DPCD: variants seen among roughly 807,000 people sequenced by gnomAD.
The protein encoded by DPCD is protein DPCD.
In DPCD, 20 loss-of-function variants were observed where a neutral mutation model predicts 26.4. That is an observed-to-expected ratio of 0.76 (90% confidence interval 0.53 to 1.10). DPCD has a LOEUF of 1.10. DPCD is among the 50% of genes least tolerant of loss of function. The pLI, the probability that DPCD is intolerant of heterozygous loss-of-function variation, is 0.00. For missense variants in DPCD, 202 were observed against 253.9 expected (o/e 0.80, Z 1.39); for synonymous variants, 97 against 94.2 (o/e 1.03, Z -0.17).
intron 4 of DPCD, among the ~76,000 whole-genome samples, chr10:101,607,093 C>T (rs1026109853): frequency 9.2e-5 from 14 of 152,128 alleles, no homozygotes; most frequent in African/African-American, 3.4e-4. Context: ...CCCTGGGATT[C>T]ATTTTCCGGT....
intron 1 of DPCD, among the ~76,000 whole-genome samples, chr10:101,590,294 A>T (rs574424562): frequency 6.6e-6 from 1 of 152,154 alleles, no homozygotes; most frequent in Non-Finnish European, 1.5e-5. Flanking sequence ...AAGCGAGAAT[A>T]AAAAGGTCCC....
chr10:101,596,466 A>C (rs1342611900), intron 2 of DPCD: 2 of 152,226 alleles, frequency 1.3e-5, no homozygotes, highest in East Asian at 3.8e-4. Context: ...GCTAGTTTCT[A>C]AGCCAGGATT....
rs916017090 is a variant in DPCD, at chr10:101,607,433, C to T, written c.405-1402C>T. Among the ~76,000 whole-genome samples the T allele has an allele frequency of 2.0e-5, 3 of 152,170 alleles. No individual in the cohort carries two copies. In the East Asian group the frequency reaches 5.8e-4, roughly 29 times the overall value. ...CAACTTGCAATGCCATTAGGATCCCCCAGCCCCCACTCCTTTTGAACTGTC... is the reference window on the plus strand; with the variant it reads ...CAACTTGCAATGCCATTAGGATCCCTCAGCCCCCACTCCTTTTGAACTGTC... On this transcript the variant is annotated intron_variant, in intron 4 of 5. Coordinates refer to ENST00000370151, the MANE Select transcript of DPCD (RefSeq NM_015448.3).
chr10:101,593,941 C>T (rs995958673), intron 1 of DPCD, among the ~76,000 whole-genome samples: 1 of 152,046 alleles, frequency 6.6e-6, no homozygotes, highest in Non-Finnish European at 1.5e-5. Flanking sequence ...TTTAGGAAAC[C>T]ATAGCATGGG....
chr10:101,609,045 G>A (rs2063754079), intron 5 of DPCD, 108 bp downstream of exon 5: 1 of 965,374 alleles, frequency 1.0e-6, no homozygotes, highest in Non-Finnish European at 1.6e-6. Flanking sequence ...AAGCCCTAGG[G>A]TATGCTTGTG....
intron 1 of DPCD, chr10:101,588,663 A>G: frequency 7.8e-7 from 1 of 1,284,382 alleles, no homozygotes; most frequent in South Asian, 2.0e-5. Context: ...TTTTACATTC[A>G]TTATCTCATT....
chr10:101,607,756 T>C (rs2063743152), intron 4 of DPCD, among the ~76,000 whole-genome samples: 1 of 152,188 alleles, frequency 6.6e-6, no homozygotes, highest in Admixed American at 6.5e-5. Context: ...GGTGTTTCCC[T>C]TCACAGCCCA....
intron 2 of DPCD, among the ~76,000 whole-genome samples, chr10:101,599,206 T>C (rs2134767238): frequency 6.6e-6 from 1 of 152,246 alleles, no homozygotes; most frequent in South Asian, 2.1e-4. Context: ...TAGAGTAGGG[T>C]ACATGGATCT....
Position 101,599,608 on chromosome 10 carries a change from G to A in DPCD, c.146-1130G>A, listed in dbSNP as rs138447341. Reference sequence around the variant, plus strand: ...GTGCCTTACTTATACCGGTGAGGGCGTTTGGATTTGACACAGCTGCTCAAA... The same window carrying A: ...GTGCCTTACTTATACCGGTGAGGGCATTTGGATTTGACACAGCTGCTCAAA... On this transcript the variant is annotated intron_variant, in intron 2 of 5. Coordinates refer to ENST00000370151, the MANE Select transcript of DPCD (RefSeq NM_015448.3). 1.3e-4 allele frequency among the ~76,000 whole-genome samples: 20 copies of A among 152,300 alleles called. No homozygotes were observed. The East Asian group carries it at 3.5e-3, about 26-fold the overall frequency.
At chr10:101,604,956 A>G (rs887751384) in intron 4 of DPCD, among the ~76,000 whole-genome samples, 3 of 152,204 alleles carry the variant, frequency 2.0e-5, no homozygotes, top group African/African-American at 7.2e-5. Flanking sequence ...ACTAGAAAAA[A>G]GGATTCTGTG....
At chr10:101,601,711 A>G (rs1380164348) in intron 4 of DPCD, among the ~76,000 whole-genome samples, 1 of 151,770 alleles carries the variant, frequency 6.6e-6, no homozygotes, top group Non-Finnish European at 1.5e-5. Context: ...TGGCCTGGTG[A>G]CATCACTGTC....
At chr10:101,597,632 T>G (rs2063663666) in intron 2 of DPCD, among the ~76,000 whole-genome samples, 1 of 152,122 alleles carries the variant, frequency 6.6e-6, no homozygotes, top group Non-Finnish European at 1.5e-5. Flanking sequence ...TTCACCGGGG[T>G]GGAAAGTCTC....
At chr10:101,589,278 A>G (rs1477737958) in intron 1 of DPCD, among the ~76,000 whole-genome samples, 1 of 152,276 alleles carries the variant, frequency 6.6e-6, no homozygotes, top group African/African-American at 2.4e-5. Flanking sequence ...ACAGAAAGAA[A>G]AAGATATGTT....
intron 4 of DPCD, among the ~76,000 whole-genome samples, chr10:101,602,493 A>C (rs1589727411): frequency 6.6e-6 from 1 of 152,266 alleles, no homozygotes; most frequent in Admixed American, 6.5e-5. Context: ...ATTGCTGTAC[A>C]TGCAGCCAGC....
At chr10:101,594,816 G>A in intron 2 of DPCD, 78 bp downstream of exon 2, 2 of 1,383,748 alleles carry the variant, frequency 1.4e-6, no homozygotes, top group African/African-American at 1.4e-5. Flanking sequence ...CCTAGCCTTA[G>A]GCTTGAGGTA....
chr10:101,591,554 G>A (rs1237896518), intron 1 of DPCD, among the ~76,000 whole-genome samples: 1 of 152,012 alleles, frequency 6.6e-6, no homozygotes, highest in Non-Finnish European at 1.5e-5. Flanking sequence ...CAAGAATCAT[G>A]GCTATTGATA....
rs151023224 is a variant in DPCD, at chr10:101,609,267, G to A, written c.508-100G>A. 9.0e-3 allele frequency: 9,990 copies of A among 1,109,104 alleles called. 59 individuals carry two copies. Among genetic ancestry groups the A allele is most frequent in the Non-Finnish European group, 0.011 (8,632 of 756,748 alleles). 68.7% of individuals were successfully genotyped at this position (1,109,104 alleles called of 1,614,324 possible). ...CAATCCTACAGGCCTCAATTTTCTC[G>A]TGCAAATAAGGGGATCAGAAGGAGA... On this transcript the variant is annotated intron_variant, in intron 5 of 5. Coordinates refer to ENST00000370151, the MANE Select transcript of DPCD (RefSeq NM_015448.3).
At chr10:101,595,069 G>A (rs539432626) in intron 2 of DPCD, among the ~76,000 whole-genome samples, 3 of 152,232 alleles carry the variant, frequency 2.0e-5, no homozygotes, top group Admixed American at 2.0e-4. Context: ...GAGGGATAAG[G>A]GCAGACTTTC....
chr10:101,594,511 T>G (rs1589722118), intron 1 of DPCD, 147 bp from the exon 2 acceptor site: 1 of 681,966 alleles, frequency 1.5e-6, no homozygotes, highest in South Asian at 1.8e-5. Flanking sequence ...TAATGGTGGG[T>G]GGTGGTTGGC....
Sources: allele counts gnomAD v4.1 joint callset (sites outside exome capture counted in the v4.1 genomes callset), GRCh38; gene constraint gnomAD v4.1.1; transcripts MANE v1.5; gene names NCBI Gene and HGNC (gene_info 2026-07-23, HGNC 2026-07-21).